Variants in FNBP4 observed in about 807,000 individuals in gnomAD.
FNBP4 encodes formin binding protein 4.
FNBP4 carries 34 observed loss-of-function variants against 119.3 expected under a neutral mutation model. The ratio of observed to expected loss-of-function variants is 0.28; its 90% CI spans 0.22 to 0.38. FNBP4 has a LOEUF of 0.38. Ranked by LOEUF, FNBP4 falls within the 10% of genes least tolerant of loss-of-function variation. FNBP4 has a pLI of 1.00. For synonymous variants in FNBP4, 462 were observed against 430.6 expected, an observed-to-expected ratio of 1.07 and a Z score of -0.90; for missense variants, 1,112 against 1,228.9, an observed-to-expected ratio of 0.90 and a Z score of 1.42.
At chr11:47,731,274 C>T (rs2097567078) in intron 12 of FNBP4, 100 bp downstream of exon 12, 8 of 1,175,378 alleles carry the variant, frequency 6.8e-6, no homozygotes, top group South Asian at 1.7e-5. Context: ...CAATCAGAAG[C>T]TTATATTATT....
Position 47,717,212 on chromosome 11 carries a change from T to A in FNBP4, c.*210A>T. 2.0e-6 allele frequency: 1 copy of A among 511,996 alleles called. No individual in the cohort carries two copies. The highest frequency in any genetic ancestry group is 3.5e-6 in the Non-Finnish European group (1 of 289,562). The allele number at this position is 511,996 out of a possible 1,614,324, so 31.7% of individuals were successfully genotyped here. ...CAGTTTGAGAATAAAGGCAGCATGGTCAAAGCAATTCCAATCACCTCATCC... is the reference window on the plus strand; with the variant it reads ...CAGTTTGAGAATAAAGGCAGCATGGACAAAGCAATTCCAATCACCTCATCC... On this transcript the variant is annotated 3_prime_UTR_variant, in exon 17 of 17. Transcript: ENST00000263773.
chr11:47,717,618 C>T (rs2097551191), intron 16 of FNBP4, 106 bp from the exon 17 acceptor site: 8 of 793,780 alleles, frequency 1.0e-5, no homozygotes, highest in South Asian at 7.9e-5. Context: ...TGATCTATCA[C>T]GTCTATGTTT....
In FNBP4 at chr11:47,724,573, C is replaced by T; in HGVS notation, c.2214G>A (p.Gln738=). ...PPPPAEDGEI[Q]EVEMEDEGSE... ...TTCCCTCATCCTCCATCTCTACCTC[C>T]TGGATCTCACCATCTTCCGCAGGAG... The change falls in exon 13 of 17, where the codon CAG becomes CAA. Residue 738 remains glutamine, a synonymous_variant. Transcript: ENST00000263773. The T allele has an allele frequency of 6.2e-7, 1 of 1,614,090 alleles. No homozygotes were observed. Among genetic ancestry groups the T allele is most frequent in the Non-Finnish European group, 8.5e-7 (1 of 1,179,994 alleles).
chr11:47,741,702 G>A (rs2097582238), intron 8 of FNBP4, among the ~76,000 whole-genome samples: 1 of 152,160 alleles, frequency 6.6e-6, no homozygotes, highest in South Asian at 2.1e-4. Context: ...TGTAATCCCA[G>A]CTACTCGGGC....
chr11:47,749,591 T>C (rs749684219), intron 6 of FNBP4, among the ~76,000 whole-genome samples: 3 of 152,112 alleles, frequency 2.0e-5, no homozygotes, highest in Non-Finnish European at 4.4e-5. Flanking sequence ...TATATTTTGA[T>C]GCAAAAAAGT....
intron 2 of FNBP4, among the ~76,000 whole-genome samples, chr11:47,760,258 C>T (rs1046814712): frequency 1.5e-5 from 2 of 133,842 alleles, no homozygotes; most frequent in African/African-American, 2.7e-5. Flanking sequence ...ATTGATCAAA[C>T]ATTTTTTTTT....
intron 2 of FNBP4, among the ~76,000 whole-genome samples, chr11:47,760,557 G>A (rs1212373330): frequency 1.3e-5 from 2 of 151,052 alleles, no homozygotes; most frequent in South Asian, 2.1e-4. Flanking sequence ...TCAGCCTCCC[G>A]AGCAGCTGGA....
chr11:47,766,900 C>T (rs1271389684), intron 1 of FNBP4, among the ~76,000 whole-genome samples, 169 bp downstream of exon 1: 4 of 151,914 alleles, frequency 2.6e-5, no homozygotes, highest in African/African-American at 9.7e-5. Flanking sequence ...AGAACTCGGC[C>T]TGGCCCTTCT....
chr11:47,719,901 A>G (rs551015303), intron 16 of FNBP4, 28 bp downstream of exon 16: 1 of 1,612,134 alleles, frequency 6.2e-7, no homozygotes, highest in Non-Finnish European at 8.5e-7. Context: ...CCAAAACCCC[A>G]TCTCATCTGT....
chr11:47,720,782 A>G (rs961068378), intron 15 of FNBP4, among the ~76,000 whole-genome samples: 122 of 150,920 alleles, frequency 8.1e-4, no homozygotes, highest in Non-Finnish European at 1.2e-3. Flanking sequence ...AAAAAAAAAA[A>G]AGCTAAAAAA....
At chr11:47,731,779 C>T in intron 11 of FNBP4, 2 of 1,282,874 alleles carry the variant, frequency 1.6e-6, no homozygotes, top group Non-Finnish European at 2.0e-6. Flanking sequence ...GAATACAGCC[C>T]TGAACCCTCT....
intron 8 of FNBP4, among the ~76,000 whole-genome samples, chr11:47,737,808 G>A (rs1334694633): frequency 6.6e-6 from 1 of 151,472 alleles, no homozygotes; most frequent in Non-Finnish European, 1.5e-5. Context: ...GTACAGTGGC[G>A]TGATCTTAGC....
intron 2 of FNBP4, among the ~76,000 whole-genome samples, chr11:47,757,029 A>C (rs1308232331): frequency 6.6e-6 from 1 of 152,202 alleles, no homozygotes; most frequent in African/African-American, 2.4e-5. Flanking sequence ...TCTTTATAGC[A>C]GCATGATTTA....
intron 11 of FNBP4, chr11:47,731,919 A>G (rs2097567923): frequency 9.9e-7 from 1 of 1,008,484 alleles, no homozygotes; most frequent in East Asian, 1.0e-4. Context: ...TCCAAAGAAG[A>G]GAACAACGAA....
At position 47,758,926 on chromosome 11, in the gene FNBP4, T is replaced by C. The variant is rs547919755; in HGVS notation, c.314-4262A>G. Among the ~76,000 whole-genome samples, 123 of 151,034 alleles carry C rather than the reference T, an allele frequency of 8.1e-4. 1 individual carries two copies. Among genetic ancestry groups the C allele is most frequent in the African/African-American group, 2.5e-3 (101 of 40,722 alleles). ...TTCTTAGATAGTGTCTCTAATTTTTTTTTTTTTTTTGAGATAGAGTCTCAC... is the reference window on the plus strand; with the variant it reads ...TTCTTAGATAGTGTCTCTAATTTTTCTTTTTTTTTTGAGATAGAGTCTCAC... On this transcript the variant is annotated intron_variant, in intron 2 of 16. Transcript: ENST00000263773.
intron 6 of FNBP4, 57 bp downstream of exon 6, chr11:47,750,859 C>CA (rs2097601691): frequency 6.3e-7 from 1 of 1,579,374 alleles, no homozygotes; most frequent in African/African-American, 1.4e-5. Context: ...CTCCTGTGCT[C>CA]AGAGTAACGC....
intron 7 of FNBP4, among the ~76,000 whole-genome samples, chr11:47,744,700 C>T (rs1200642372): frequency 1.3e-5 from 2 of 152,158 alleles, no homozygotes; most frequent in Admixed American, 1.3e-4. Context: ...ATGGGATAAC[C>T]ATCCCCTCAA....
chr11:47,737,445 T>C (rs1599193555), intron 8 of FNBP4, among the ~76,000 whole-genome samples: 1 of 152,176 alleles, frequency 6.6e-6, no homozygotes, highest in African/African-American at 2.4e-5. Context: ...ATTATTAGCA[T>C]TATTATTTTT....
At chr11:47,746,427 A>G (rs1484943451) in intron 6 of FNBP4, 33 bp from the exon 7 acceptor site, 3 of 1,514,320 alleles carry the variant, frequency 2.0e-6, no homozygotes, top group Non-Finnish European at 2.7e-6. Context: ...GTCTCATTTA[A>G]TTCTGAAACA....
Sources: gnomAD v4.1 joint callset for allele counts (sites outside exome capture counted in the v4.1 genomes callset) on GRCh38, gnomAD v4.1.1 for gene constraint, MANE v1.5 for transcripts, NCBI Gene and HGNC (gene_info 2026-07-23, HGNC 2026-07-21) for gene names.